C12orf42: variants seen among roughly 807,000 people sequenced by gnomAD.
The protein encoded by C12orf42 is uncharacterized protein C12orf42.
Under a neutral mutation model 21.6 loss-of-function variants are expected in C12orf42, and 25 were observed. That is an observed-to-expected ratio of 1.16 (90% CI 0.84 to 1.62). The LOEUF is 1.62. C12orf42 is among the 40% of genes most tolerant of loss of function. The pLI is 0.00. For synonymous variants in C12orf42, 174 were observed against 175.0 expected (o/e 0.99, Z 0.05); for missense variants, 483 against 459.3 (o/e 1.05, Z -0.47).
At chr12:103,082,948 G>A in the C12orf42 span, among the ~76,000 whole-genome samples, 3 of 152,202 alleles carry the variant, frequency 2.0e-5, no homozygotes, top group African/African-American at 7.2e-5. Flanking sequence ...GAAGGCAGTG[G>A]CATACATCTT....
At chr12:103,071,137 G>A in the C12orf42 span, among the ~76,000 whole-genome samples, 5 of 152,056 alleles carry the variant, frequency 3.3e-5, no homozygotes, top group Admixed American at 1.3e-4. Flanking sequence ...CACTCAAATT[G>A]CTTGGATTTG....
intron 2 of C12orf42, chr12:103,476,996 G>T (rs1046381938): frequency 2.0e-5 from 3 of 152,026 alleles, no homozygotes; most frequent in Non-Finnish European, 4.4e-5. Context: ...ATTTCACTGT[G>T]ATCCAGCTTA....
chr12:103,082,357 A>G, the C12orf42 span, among the ~76,000 whole-genome samples: 2 of 152,244 alleles, frequency 1.3e-5, no homozygotes, highest in African/African-American at 4.8e-5. Flanking sequence ...ATGTATGATT[A>G]CGCTACAATA....
the C12orf42 span, among the ~76,000 whole-genome samples, chr12:103,223,650 T>C: frequency 6.6e-6 from 1 of 152,096 alleles, no homozygotes; most frequent in African/African-American, 2.4e-5. Flanking sequence ...TAGTTGAGAA[T>C]GGTGAATAGG....
upstream of C12orf42, among the ~76,000 whole-genome samples, chr12:103,497,589 A>T (rs1955597107): frequency 6.6e-6 from 1 of 152,186 alleles, no homozygotes; most frequent in Non-Finnish European, 1.5e-5. Flanking sequence ...CTCTGTTACC[A>T]TTCCTACAGC....
intron 1 of C12orf42, among the ~76,000 whole-genome samples, chr12:103,479,812 T>G (rs1750381566): frequency 6.6e-6 from 1 of 152,052 alleles, no homozygotes; most frequent in Non-Finnish European, 1.5e-5. Flanking sequence ...ACGTATTTTA[T>G]TTTTAGTACA....
At chr12:103,436,989 G>T (rs1366729388) in intron 2 of C12orf42, among the ~76,000 whole-genome samples, 1 of 149,362 alleles carries the variant, frequency 6.7e-6, no homozygotes, top group African/African-American at 2.5e-5. Context: ...TTCCAAAATT[G>T]ACCACATACT....
chr12:103,456,199 G>T (rs1952282093), intron 2 of C12orf42: 1 of 152,064 alleles, frequency 6.6e-6, no homozygotes, highest in South Asian at 2.1e-4. Context: ...AGCATTGTAG[G>T]TCATTCTGTG....
At chr12:103,357,933 C>T (rs554265443) in intron 4 of C12orf42, among the ~76,000 whole-genome samples, 7 of 152,140 alleles carry the variant, frequency 4.6e-5, no homozygotes, top group East Asian at 1.9e-4. Context: ...AAGATTCTGT[C>T]GGTTGACTGG....
At chr12:103,478,269 G>A (rs1441584971) in intron 2 of C12orf42, 80 bp downstream of exon 2, 1 of 851,030 alleles carries the variant, frequency 1.2e-6, no homozygotes, top group African/African-American at 1.7e-5. Flanking sequence ...ACTGAATCAA[G>A]AATCACAATT....
At chr12:103,244,231 G>A (rs993106955) in intron 10 of C12orf42, among the ~76,000 whole-genome samples, 1 of 152,064 alleles carries the variant, frequency 6.6e-6, no homozygotes, top group African/African-American at 2.4e-5. Flanking sequence ...GCCTGCTGGA[G>A]GCTTGGGCTG....
chr12:103,164,445 C>A, the C12orf42 span: 5 of 455,820 alleles, frequency 1.1e-5, no homozygotes, highest in Non-Finnish European at 2.2e-5. Flanking sequence ...ATGGTAAGTT[C>A]TGAGCAAATA....
the C12orf42 span, among the ~76,000 whole-genome samples, chr12:103,149,796 C>A: frequency 6.6e-6 from 1 of 152,134 alleles, no homozygotes; most frequent in Non-Finnish European, 1.5e-5. Context: ...TTATAAATTA[C>A]CCAGTCTTGG....
chr12:103,402,833 C>T (rs138477082), intron 2 of C12orf42, among the ~76,000 whole-genome samples: 2,064 of 152,100 alleles, frequency 0.014, 24 homozygotes, highest in Middle Eastern at 0.044. Flanking sequence ...AGAAGGGGAC[C>T]CAAGGTGGCA....
the C12orf42 span, among the ~76,000 whole-genome samples, chr12:103,511,432 A>G: frequency 7.9e-5 from 12 of 151,824 alleles, no homozygotes; most frequent in Non-Finnish European, 1.3e-4. Context: ...TATATAATGC[A>G]TGCATATGTA....
At chr12:103,401,437 G>A (rs2047981895) in intron 3 of C12orf42, among the ~76,000 whole-genome samples, 170 bp downstream of exon 3, 1 of 152,086 alleles carries the variant, frequency 6.6e-6, no homozygotes, top group Admixed American at 6.6e-5. Context: ...GAGATCCAAA[G>A]TTTTCTAGGA....
At chr12:103,307,058 G>A (rs941440869) in intron 4 of C12orf42, among the ~76,000 whole-genome samples, 3 of 152,290 alleles carry the variant, frequency 2.0e-5, no homozygotes, top group East Asian at 3.9e-4. Flanking sequence ...GCACAGACCC[G>A]TGAACACCTT....
chr12:103,396,067 ATGTTATAACTTT>A (rs1309037163), intron 3 of C12orf42, among the ~76,000 whole-genome samples: 2 of 149,856 alleles, frequency 1.3e-5, no homozygotes, highest in African/African-American at 4.9e-5. Context: ...ATCAACTATT[ATGTTATAACTTT>A]TGTTATATTA....
chr12:103,103,058 A>T, the C12orf42 span, among the ~76,000 whole-genome samples: 1 of 151,650 alleles, frequency 6.6e-6, no homozygotes, highest in Non-Finnish European at 1.5e-5. Context: ...TCTTTCCTCC[A>T]CCCTAGTATG....
Sources: gnomAD v4.1 joint callset for allele counts (sites outside exome capture counted in the v4.1 genomes callset) on GRCh38, gnomAD v4.1.1 for gene constraint, MANE v1.5 for transcripts, NCBI Gene and HGNC (gene_info 2026-07-23, HGNC 2026-07-21) for gene names.